The following GRIK2 variants were observed in gnomAD, a reference collection of about 807,000 sequenced individuals.
The protein encoded by GRIK2 is glutamate ionotropic receptor kainate type subunit 2.
Under a neutral mutation model 100.3 loss-of-function variants are expected in GRIK2, and 32 were observed. The observed-to-expected ratio is 0.32, with a 90% CI of 0.24 to 0.43. The LOEUF (loss-of-function observed/expected upper bound fraction) is 0.43, where lower values mean the gene tolerates loss of function less well. GRIK2 is among the 20% of genes least tolerant of loss of function. GRIK2 has a pLI of 1.00. For missense variants in GRIK2, 843 were observed against 1,114.9 expected (o/e 0.76, Z 3.47); for synonymous variants, 417 against 389.4 (o/e 1.07, Z -0.83).
chr6:102,000,201 A>T (rs1035901171), intron 14 of GRIK2, among the ~76,000 whole-genome samples: 11 of 147,146 alleles, frequency 7.5e-5, no homozygotes, highest in Non-Finnish European at 1.2e-4. Flanking sequence ...GTTTATTTAA[A>T]TTTTTTTTAA....
At chr6:101,796,091 C>G (rs76900357) in intron 7 of GRIK2, among the ~76,000 whole-genome samples, 7,961 of 152,122 alleles carry the variant, frequency 0.052, 491 homozygotes, top group African/African-American at 0.15. Context: ...GTGAGAAACC[C>G]AGAGAAAAGG....
chr6:101,901,683 T>A (rs1244636001), intron 12 of GRIK2, among the ~76,000 whole-genome samples: 1 of 151,920 alleles, frequency 6.6e-6, no homozygotes, highest in Admixed American at 6.6e-5. Flanking sequence ...AAGTGGAAGT[T>A]AGAAGTCATA....
chr6:101,955,615 T>TCTCTCC (rs1405718742), intron 14 of GRIK2, among the ~76,000 whole-genome samples: 35 of 93,192 alleles, frequency 3.8e-4, no homozygotes, highest in African/African-American at 1.3e-3. Context: ...TCTCTCTCTC[T>TCTCTCC]CCCCCCCATT....
intron 2 of GRIK2, among the ~76,000 whole-genome samples, chr6:101,497,622 T>C (rs1261252286): frequency 6.6e-6 from 1 of 152,164 alleles, no homozygotes; most frequent in Non-Finnish European, 1.5e-5. Flanking sequence ...CTTATTGTTT[T>C]TGTTTATATA....
intron 2 of GRIK2, among the ~76,000 whole-genome samples, chr6:101,549,894 G>A (rs575248621): frequency 1.3e-5 from 2 of 152,248 alleles, no homozygotes; most frequent in South Asian, 4.1e-4. Context: ...AAGATATGGA[G>A]TTGTCAAATA....
intron 14 of GRIK2, among the ~76,000 whole-genome samples, chr6:102,028,854 C>A (rs2114398040): frequency 6.6e-6 from 1 of 150,980 alleles, no homozygotes; most frequent in South Asian, 2.1e-4. Flanking sequence ...AGCTTTGGTT[C>A]TCTCAACTGT....
chr6:101,817,790 ATTTTACTG>A (rs1781724513), intron 9 of GRIK2, among the ~76,000 whole-genome samples: 1 of 152,212 alleles, frequency 6.6e-6, no homozygotes. Context: ...TTCAGATCAG[ATTTTACTG>A]TCTTCTCCTT....
intron 2 of GRIK2, among the ~76,000 whole-genome samples, chr6:101,492,796 A>G (rs1773205954): frequency 6.6e-6 from 1 of 152,060 alleles, no homozygotes; most frequent in Admixed American, 6.6e-5. Flanking sequence ...CACCAGAGAC[A>G]GCACAGAAAA....
chr6:101,536,302 A>T (rs1249867148), intron 2 of GRIK2, among the ~76,000 whole-genome samples: 1 of 151,634 alleles, frequency 6.6e-6, no homozygotes, highest in Non-Finnish European at 1.5e-5. Flanking sequence ...CCAGAAAAAA[A>T]GTATGCAATT....
chr6:101,588,094 A>T (rs1778462517), intron 2 of GRIK2, among the ~76,000 whole-genome samples: 1 of 152,120 alleles, frequency 6.6e-6, no homozygotes, highest in African/African-American at 2.4e-5. Flanking sequence ...AGGGGGCAAA[A>T]TAGACATTTC....
At chr6:101,811,348 T>C (rs1003829888) in intron 9 of GRIK2, among the ~76,000 whole-genome samples, 13 of 152,084 alleles carry the variant, frequency 8.5e-5, no homozygotes, top group African/African-American at 1.9e-4. Context: ...CAAATAACTT[T>C]CTTTTTTACA....
At chr6:101,536,318 G>C (rs1160896700) in intron 2 of GRIK2, among the ~76,000 whole-genome samples, 1 of 151,566 alleles carries the variant, frequency 6.6e-6, no homozygotes, top group Non-Finnish European at 1.5e-5. Context: ...CAATTTTCAA[G>C]AATGATTTAA....
At chr6:102,002,211 C>A (rs1479307847) in intron 14 of GRIK2, among the ~76,000 whole-genome samples, 2 of 149,782 alleles carry the variant, frequency 1.3e-5, no homozygotes, top group Non-Finnish European at 3.0e-5. Flanking sequence ...TTTTATTGGT[C>A]TACCTTCTAT....
At chr6:101,617,519 C>A (rs1028566589) in intron 2 of GRIK2, among the ~76,000 whole-genome samples, 7 of 151,584 alleles carry the variant, frequency 4.6e-5, no homozygotes, top group African/African-American at 1.5e-4. Flanking sequence ...ATCAGCTATC[C>A]CAGAGTGAAA....
chr6:101,851,579 T>G (rs1426822775), intron 10 of GRIK2, among the ~76,000 whole-genome samples: 1 of 152,050 alleles, frequency 6.6e-6, no homozygotes, highest in Non-Finnish European at 1.5e-5. Context: ...AGATGTTATT[T>G]TTATAAATTC....
At chr6:101,880,417 T>C (rs972285915) in intron 11 of GRIK2, among the ~76,000 whole-genome samples, 1 of 152,062 alleles carries the variant, frequency 6.6e-6, no homozygotes, top group Non-Finnish European at 1.5e-5. Flanking sequence ...TGTGTTCTTA[T>C]AGTTTCTCTG....
At chr6:101,957,585 T>C (rs1792019808) in intron 14 of GRIK2, among the ~76,000 whole-genome samples, 1 of 152,016 alleles carries the variant, frequency 6.6e-6, no homozygotes, top group African/African-American at 2.4e-5. Context: ...GACTTAGTTA[T>C]AATTTTTTGT....
rs139249552 is a variant in GRIK2 at position 101,896,914 on chromosome 6, C to T, written c.1748+7051C>T. 8.0e-3 allele frequency among the ~76,000 whole-genome samples: 1,209 copies of T among 151,500 alleles called. 22 individuals carry two copies. Among genetic ancestry groups the T allele is most frequent in the African/African-American group, 0.028 (1,142 of 41,420 alleles). ...CAGAGTGCTAAAACTTGAAGTACAACGCTTATTAAATTCTTATATTTGCTA... is the reference window on the plus strand; with the variant it reads ...CAGAGTGCTAAAACTTGAAGTACAATGCTTATTAAATTCTTATATTTGCTA... On this transcript the variant is annotated intron_variant, in intron 12 of 16. Coordinates refer to ENST00000369134, the MANE Select transcript of GRIK2 (RefSeq NM_021956.5).
intron 2 of GRIK2, among the ~76,000 whole-genome samples, chr6:101,576,679 C>T (rs759576270): frequency 1.3e-5 from 2 of 151,838 alleles, no homozygotes; most frequent in South Asian, 4.1e-4. Flanking sequence ...TATTTTTCTA[C>T]CAGAATCAAA....
Sources: gnomAD v4.1 joint callset for allele counts (sites outside exome capture counted in the v4.1 genomes callset) on GRCh38, gnomAD v4.1.1 for gene constraint, MANE v1.5 for transcripts, NCBI Gene and HGNC (gene_info 2026-07-23, HGNC 2026-07-21) for gene names.